The following HCK variants were observed in gnomAD, a reference collection of about 807,000 sequenced individuals.
HCK encodes tyrosine-protein kinase HCK.
HCK carries 40 observed loss-of-function variants against 70.4 expected under a neutral mutation model. That is an observed-to-expected ratio of 0.57 (90% CI 0.44 to 0.74). HCK has a LOEUF of 0.74. Among genes scored for constraint, HCK ranks in the 30% least tolerant of loss-of-function variants. The pLI, the probability that HCK is intolerant of heterozygous loss-of-function variation, is 0.00. For missense variants in HCK, 568 were observed against 697.2 expected (o/e 0.81, Z 2.09); for synonymous variants, 245 against 263.2 (o/e 0.93, Z 0.67).
chr20:32,061,521 C>T (rs1348229605), intron 1 of HCK, among the ~76,000 whole-genome samples: 4 of 152,108 alleles, frequency 2.6e-5, no homozygotes, highest in Non-Finnish European at 2.9e-5. Context: ...ATGGCCACCA[C>T]GTTTAAGAGG....
chr20:32,096,984 T>TA (rs1345182293), intron 11 of HCK, among the ~76,000 whole-genome samples: 9 of 151,900 alleles, frequency 5.9e-5, no homozygotes, highest in African/African-American at 1.9e-4. Flanking sequence ...TATAACTCGA[T>TA]TAAAAAAAAT....
intron 8 of HCK, among the ~76,000 whole-genome samples, chr20:32,085,088 C>A (rs191653729): frequency 6.6e-6 from 1 of 152,312 alleles, no homozygotes; most frequent in African/African-American, 2.4e-5. Context: ...TGTGGGGCAG[C>A]CTGCTGTGTT....
intron 1 of HCK, among the ~76,000 whole-genome samples, chr20:32,055,027 T>C (rs2122443521): frequency 6.6e-6 from 1 of 152,314 alleles, no homozygotes; most frequent in East Asian, 1.9e-4. Flanking sequence ...TGTGGATAAA[T>C]ACTCAAGTTG....
chr20:32,073,653 G>A (rs1306954134), intron 3 of HCK, 63 bp from the exon 4 acceptor site: 2 of 1,150,714 alleles, frequency 1.7e-6, no homozygotes, highest in Non-Finnish European at 2.5e-6. Context: ...GCCGGGTGAG[G>A]GTCACCAAGG....
At chr20:32,058,317 A>G (rs2122461529) in intron 1 of HCK, among the ~76,000 whole-genome samples, 2 of 152,184 alleles carry the variant, frequency 1.3e-5, no homozygotes, top group South Asian at 4.1e-4. Flanking sequence ...GGATCACCTG[A>G]GGTCAGGAGT....
chr20:32,083,941 A>G lies in HCK; in HGVS notation c.580A>G (p.Thr194Ala). ...AGACTACGACCCTCGGCAGGGAGAT[A>G]CCGTGAAACATTACAAGATCCGGAC... The change falls in exon 7 of 13, where the codon ACC becomes GCC. Residue 194 changes from threonine to alanine, a missense_variant. This residue lies in a region of HCK where 318 missense variants were observed against 336.0 expected (regional missense o/e 0.95). Transcript: ENST00000375852. The G allele has an allele frequency of 1.2e-6, 2 of 1,614,190 alleles. No homozygotes were observed. Among genetic ancestry groups the G allele is most frequent in the Non-Finnish European group, 1.7e-6 (2 of 1,180,030 alleles).
chr20:32,062,002 C>T (rs369736937), intron 1 of HCK, among the ~76,000 whole-genome samples: 3 of 142,438 alleles, frequency 2.1e-5, no homozygotes, highest in South Asian at 2.2e-4. Flanking sequence ...TGCAGTGGTG[C>T]GACCTCGGCT....
intron 11 of HCK, among the ~76,000 whole-genome samples, chr20:32,094,799 AAGAAAGAAAGAAAGAAAG>A: frequency 2.7e-5 from 1 of 36,588 alleles, no homozygotes; most frequent in Middle Eastern, 0.014. Context: ...GAAAGAAAGA[AAGAAAGAAAGAAAGAAAG>A]AAAGAAAGAA....
At chr20:32,081,765 C>A (rs1041449523) in intron 6 of HCK, among the ~76,000 whole-genome samples, 16 of 152,306 alleles carry the variant, frequency 1.1e-4, no homozygotes, top group Middle Eastern at 3.4e-3. Flanking sequence ...CACAGCCCAG[C>A]GCTTCTCCTC....
intron 1 of HCK, among the ~76,000 whole-genome samples, chr20:32,062,451 T>C (rs939697480): frequency 6.6e-6 from 1 of 151,968 alleles, no homozygotes; most frequent in African/African-American, 2.4e-5. Flanking sequence ...ATGCTATGAG[T>C]TTTATATGTG....
chr20:32,074,531 C>A, intron 4 of HCK, 92 bp from the exon 5 acceptor site: 2 of 882,818 alleles, frequency 2.3e-6, no homozygotes, highest in Non-Finnish European at 1.9e-6. Context: ...TTTCTGGAGG[C>A]AGGGAGTTTT....
intron 2 of HCK, 102 bp downstream of exon 2, chr20:32,071,884 G>T: frequency 6.3e-6 from 9 of 1,430,292 alleles, no homozygotes; most frequent in African/African-American, 1.4e-5. Flanking sequence ...GGTGAGCTTG[G>T]GGTGAAAGGG....
At position 32,071,570 on chromosome 20, in the gene HCK, C is replaced by T. The variant is rs79678843; in HGVS notation, c.63-92C>T. The T allele has an allele frequency of 6.3e-3, 9,602 of 1,534,752 alleles. 157 individuals carry two copies. The highest frequency in any genetic ancestry group is 0.06 in the African/African-American group (4,379 of 73,038). On this transcript the variant is annotated intron_variant, in intron 1 of 12. Transcript: ENST00000375852. ...CCGGGAAGGCCAGTGGGAGCCAGCC[C>T]GGGGGCAGGGGACCTGGAATGCCAG...
rs549621688 is a variant in HCK at position 32,067,223 on chromosome 20, G to A, written c.63-4439G>A. ...TTATTTTTCTTTCATTCTTAAAACT[G>A]TGGTAAAATATGCATAACAAATTTT... On this transcript the variant is annotated intron_variant, in intron 1 of 12. Coordinates refer to ENST00000375852, the MANE Select transcript of HCK (RefSeq NM_002110.5). 1.3e-3 allele frequency among the ~76,000 whole-genome samples: 199 copies of A among 152,142 alleles called. 1 individual carries two copies. Among genetic ancestry groups the A allele is most frequent in the African/African-American group, 4.6e-3 (190 of 41,492 alleles).
At chr20:32,099,490 T>A (rs2046004587) in intron 12 of HCK, among the ~76,000 whole-genome samples, 1 of 151,474 alleles carries the variant, frequency 6.6e-6, no homozygotes, top group Non-Finnish European at 1.5e-5. Context: ...CCTGAGTAAC[T>A]GGGATTACAA....
intron 1 of HCK, among the ~76,000 whole-genome samples, chr20:32,067,866 G>C (rs996414954): frequency 1.3e-5 from 2 of 152,042 alleles, no homozygotes; most frequent in Non-Finnish European, 2.9e-5. Flanking sequence ...AAAAAAAAAT[G>C]TAAAGTATCT....
rs147712671 is a variant in HCK, at chr20:32,091,046, G to C, written c.1092+2402G>C. On this transcript the variant is annotated intron_variant, in intron 10 of 12. Transcript: ENST00000375852. ...AGGTGCTATTACAGAGAAGAAAAGT[G>C]AGGTACAGAGAGATGACACAACTTG... Among the ~76,000 whole-genome samples, 544 of 152,332 alleles carry C rather than the reference G, an allele frequency of 3.6e-3. 3 individuals carry two copies. Among genetic ancestry groups the C allele is most frequent in the Non-Finnish European group, 3.5e-3 (238 of 68,030 alleles).
chr20:32,091,862 A>G (rs931350780), intron 10 of HCK, among the ~76,000 whole-genome samples: 2 of 151,834 alleles, frequency 1.3e-5, no homozygotes, highest in African/African-American at 4.8e-5. Context: ...GCATGCACCT[A>G]TAGTACCAGC....
intron 11 of HCK, among the ~76,000 whole-genome samples, chr20:32,094,804 A>AGC (rs2045927860): frequency 2.1e-5 from 1 of 48,484 alleles, no homozygotes; most frequent in African/African-American, 5.5e-5. Context: ...AAAGAAAGAA[A>AGC]GAAAGAAAGA....
Sources: gnomAD v4.1 joint callset for allele counts (sites outside exome capture counted in the v4.1 genomes callset) on GRCh38, gnomAD v4.1.1 for gene constraint, gnomAD v4.1.1 regional missense constraint, MANE v1.5 for transcripts, NCBI Gene and HGNC (gene_info 2026-07-23, HGNC 2026-07-21) for gene names.